Variants in ZNF75D observed in about 807,000 individuals in gnomAD.
ZNF75D encodes the protein zinc finger protein 75.
Under a neutral mutation model 33.3 loss-of-function variants are expected in ZNF75D, and 33 were observed. The observed-to-expected ratio is 0.99, with a 90% CI of 0.75 to 1.32. The LOEUF (loss-of-function observed/expected upper bound fraction) is 1.32. Ranked by LOEUF, ZNF75D falls within the 40% of genes most tolerant of loss-of-function variation. The pLI is 0.00. For synonymous variants in ZNF75D, 113 were observed against 130.6 expected (o/e 0.87, Z 0.92); for missense variants, 338 against 367.5 (o/e 0.92, Z 0.66).
At chrX:135,300,712 A>C (rs1184270764) in intron 1 of ZNF75D, among the ~76,000 whole-genome samples, 1 of 104,562 alleles carries the variant, frequency 9.6e-6, no homozygotes, top group Non-Finnish European at 2.0e-5. Context: ...GCACCACTGC[A>C]CTCCAGCCTG....
intron 1 of ZNF75D, among the ~76,000 whole-genome samples, chrX:135,314,636 A>C (rs1442477143): frequency 1.8e-5 from 2 of 111,194 alleles, no homozygotes; most frequent in Non-Finnish European, 3.8e-5. Flanking sequence ...GAGATTTTTT[A>C]CTAGTGATTT....
intron 1 of ZNF75D, among the ~76,000 whole-genome samples, chrX:135,258,825 T>G (rs2148458747): frequency 8.9e-6 from 1 of 112,322 alleles, no homozygotes; most frequent in African/African-American, 3.2e-5. Context: ...TATTTTGGCT[T>G]TTGTTGCCAT....
chrX:135,262,715 AGCTTCCTT>A (rs1556415753), intron 1 of ZNF75D, among the ~76,000 whole-genome samples: 2 of 111,745 alleles, frequency 1.8e-5, no homozygotes, highest in South Asian at 3.7e-4. Context: ...CAAGGTTTTT[AGCTTCCTT>A]GCGATGGACT....
chrX:135,272,727 C>T (rs1255674524), intron 1 of ZNF75D, among the ~76,000 whole-genome samples: 3 of 111,411 alleles, frequency 2.7e-5, no homozygotes, highest in African/African-American at 6.5e-5. Flanking sequence ...GGCCAATTCA[C>T]GCTGACTTCC....
intron 1 of ZNF75D, chrX:135,330,773 A>G (rs189713079): frequency 4.4e-5 from 5 of 112,573 alleles, no homozygotes; most frequent in African/African-American, 1.6e-4. Context: ...TTTTGGTTTG[A>G]TATGTTTTTA....
At chrX:135,318,367 C>A (rs1246958671) in intron 1 of ZNF75D, among the ~76,000 whole-genome samples, 2 of 110,187 alleles carry the variant, frequency 1.8e-5, no homozygotes, top group East Asian at 5.7e-4. Flanking sequence ...CTCCAACTTT[C>A]TTTCTTTTCC....
intron 1 of ZNF75D, among the ~76,000 whole-genome samples, chrX:135,321,203 G>A (rs2084490892): frequency 9.0e-6 from 1 of 110,859 alleles, no homozygotes; most frequent in Non-Finnish European, 1.9e-5. Context: ...TTTAATAACA[G>A]CATTAATCCA....
intron 3 of ZNF75D, among the ~76,000 whole-genome samples, chrX:135,293,000 G>A (rs1388291327): frequency 8.9e-6 from 1 of 111,883 alleles, no homozygotes; most frequent in Non-Finnish European, 1.9e-5. Flanking sequence ...CACATGATTT[G>A]GTAGTAATAA....
chrX:135,272,140 C>A (rs782671028), intron 1 of ZNF75D, among the ~76,000 whole-genome samples: 73 of 108,431 alleles, frequency 6.7e-4, no homozygotes, highest in African/African-American at 2.4e-3. Flanking sequence ...TGCCCTCTTT[C>A]TCTTCTTACC....
intron 1 of ZNF75D, among the ~76,000 whole-genome samples, chrX:135,332,598 A>T (rs1556440888): frequency 8.9e-6 from 1 of 111,811 alleles, no homozygotes. Context: ...CTTTCTTTTT[A>T]TTATGTTACC....
chrX:135,294,218 C>T lies in ZNF75D; in HGVS notation c.-78G>A. ...CCACCTTTGACAAATCAGGGTGCAT[C>T]AGGTTGGTACCAAATCAATGAATTG... On this transcript the variant is annotated 5_prime_UTR_variant, in exon 3 of 7. Transcript: ENST00000370766. The T allele has an allele frequency of 1.2e-6, 1 of 865,072 alleles. No homozygotes were observed. Among genetic ancestry groups the T allele is most frequent in the Non-Finnish European group, 1.6e-6 (1 of 617,280 alleles). The allele number at this position is 865,072 out of a possible 1,213,427, so 71.3% of individuals were successfully genotyped here.
intron 3 of ZNF75D, among the ~76,000 whole-genome samples, chrX:135,293,078 A>G (rs2084070468): frequency 1.8e-5 from 2 of 111,285 alleles, no homozygotes; most frequent in African/African-American, 3.3e-5. Context: ...GTGTGCTGCC[A>G]TCTTCCAAGG....
At chrX:135,294,345 A>G in intron 2 of ZNF75D, 87 bp from the exon 3 acceptor site, 1 of 331,733 alleles carries the variant, frequency 3.0e-6, no homozygotes, top group South Asian at 1.1e-4. Context: ...AGGAAAATGA[A>G]GAGAAAAGTT....
At chrX:135,309,730 T>A in intron 1 of ZNF75D, 1 of 294,646 alleles carries the variant, frequency 3.4e-6, no homozygotes, top group Middle Eastern at 8.9e-4. Context: ...TGCCCAGAAT[T>A]TTGAGACATT....
At chrX:135,283,286 G>A (rs1401599156), downstream of ZNF75D, among the ~76,000 whole-genome samples, 1 of 111,867 alleles carries the variant, frequency 8.9e-6, no homozygotes, top group Non-Finnish European at 1.9e-5. Context: ...TCTCATGCAT[G>A]AACCCACAAT....
At chrX:135,274,476 T>C (rs947453385) in intron 1 of ZNF75D, among the ~76,000 whole-genome samples, 1 of 111,871 alleles carries the variant, frequency 8.9e-6, no homozygotes, top group Admixed American at 9.5e-5. Context: ...CATGCCTTTT[T>C]TTATGAAAAA....
At chrX:135,339,219 G>A (rs2084753487) in intron 1 of ZNF75D, among the ~76,000 whole-genome samples, 1 of 111,449 alleles carries the variant, frequency 9.0e-6, no homozygotes, top group South Asian at 3.8e-4. Context: ...CCTGGCCTTT[G>A]GCACACAGAT....
At chrX:135,279,127 T>A in intron 1 of ZNF75D, among the ~76,000 whole-genome samples, 1 of 111,947 alleles carries the variant, frequency 8.9e-6, no homozygotes, top group Non-Finnish European at 1.9e-5. Flanking sequence ...CCTGGGCTTT[T>A]TTGGTTGGTA....
chrX:135,290,266 A>AT (rs1468370268), intron 6 of ZNF75D, among the ~76,000 whole-genome samples: 52 of 112,076 alleles, frequency 4.6e-4, no homozygotes, highest in African/African-American at 1.3e-3. Context: ...TGTTAAATAT[A>AT]TTTTTTTACC....
Sources: gnomAD v4.1 joint callset for allele counts (sites outside exome capture counted in the v4.1 genomes callset) on GRCh38, gnomAD v4.1.1 for gene constraint, MANE v1.5 for transcripts, NCBI Gene and HGNC (gene_info 2026-07-23, HGNC 2026-07-21) for gene names.